TLK2: variants seen among roughly 807,000 people sequenced by gnomAD.
TLK2 encodes the protein serine/threonine-protein kinase tousled-like 2.
Under a neutral mutation model 117.3 loss-of-function variants are expected in TLK2, and 6 were observed. The observed-to-expected ratio is 0.05, with a 90% CI of 0.03 to 0.10. The LOEUF (loss-of-function observed/expected upper bound fraction) is 0.10. Among genes scored for constraint, TLK2 ranks in the 10% least tolerant of loss-of-function variants. The pLI is 1.00. For missense variants in TLK2, 299 were observed against 901.2 expected (o/e 0.33, Z 8.56); for synonymous variants, 257 against 316.7 (o/e 0.81, Z 2.00).
intron 7 of TLK2, among the ~76,000 whole-genome samples, chr17:62,536,870 C>T (rs892775936): frequency 1.3e-5 from 2 of 152,176 alleles, no homozygotes; most frequent in Non-Finnish European, 2.9e-5. Flanking sequence ...GCTACCTGTT[C>T]GCTCCTTTCA....
At chr17:62,487,389 C>A (rs1337821181) in intron 2 of TLK2, among the ~76,000 whole-genome samples, 1 of 150,588 alleles carries the variant, frequency 6.6e-6, no homozygotes, top group Non-Finnish European at 1.5e-5. Flanking sequence ...TAAGTCAGCA[C>A]GCGCCTGTAG....
intron 2 of TLK2, among the ~76,000 whole-genome samples, chr17:62,490,181 T>C (rs577655031): frequency 5.3e-5 from 8 of 152,364 alleles, no homozygotes; most frequent in East Asian, 1.9e-4. Flanking sequence ...TTCTGTCTTA[T>C]TCTGTCTTCT....
At chr17:62,536,361 T>G in intron 7 of TLK2, 24 bp downstream of exon 7, 1 of 1,595,180 alleles carries the variant, frequency 6.3e-7, no homozygotes. Flanking sequence ...CTAAGTTAAT[T>G]CATATCCTTT....
intron 17 of TLK2, among the ~76,000 whole-genome samples, chr17:62,600,009 A>G (rs1359300428): frequency 6.6e-6 from 1 of 152,254 alleles, no homozygotes; most frequent in Non-Finnish European, 1.5e-5. Context: ...AACCATAGAT[A>G]CTATACTTTA....
chr17:62,574,169 T>C (rs969673306), intron 12 of TLK2, among the ~76,000 whole-genome samples: 1 of 152,230 alleles, frequency 6.6e-6, no homozygotes, highest in Non-Finnish European at 1.5e-5. Context: ...GGTATAATAA[T>C]ACTTGTATTA....
chr17:62,527,007 C>T (rs1272965758), intron 6 of TLK2, among the ~76,000 whole-genome samples: 1 of 152,198 alleles, frequency 6.6e-6, no homozygotes, highest in Non-Finnish European at 1.5e-5. Context: ...CATCGTCCAC[C>T]TGATTCTGAC....
At chr17:62,605,925 C>T (rs1309941427) in intron 19 of TLK2, among the ~76,000 whole-genome samples, 2 of 147,426 alleles carry the variant, frequency 1.4e-5, no homozygotes, top group African/African-American at 2.6e-5. Flanking sequence ...GGAAACCACC[C>T]GAGCTCGGGA....
intron 15 of TLK2, chr17:62,585,817 G>C: frequency 5.0e-6 from 1 of 198,940 alleles, no homozygotes; most frequent in African/African-American, 2.3e-5. Context: ...ACCTAAGGCA[G>C]ACGGGTCCCA....
chr17:62,578,596 T>G (rs746865935), intron 14 of TLK2, 22 bp downstream of exon 14: 2 of 1,575,208 alleles, frequency 1.3e-6, no homozygotes, highest in Admixed American at 3.3e-5. Flanking sequence ...CAGGGCATAT[T>G]GGGTTGGAGA....
rs1182489150 is a variant in TLK2, at chr17:62,614,628, G to A, written c.*2063G>A. ...GGAGAGAAGTTCATGGGTAGGTATC[G>A]TCCTGTGGAATTCTGAATGCAAGGA... On this transcript the variant is annotated 3_prime_UTR_variant, in exon 22 of 22. Transcript: ENST00000346027. The A allele has an allele frequency of 2.0e-5, 3 of 152,162 alleles. No individual in the cohort carries two copies. The highest frequency in any genetic ancestry group is 2.9e-5 in the Non-Finnish European group (2 of 68,030). 9.4% of individuals were successfully genotyped at this position (152,162 alleles called of 1,614,324 possible). A position where few individuals can be genotyped will look rare whatever the true frequency, so the allele number is the denominator to read the frequency against.
In TLK2 at chr17:62,551,573, C is replaced by T. The variant is rs140354923; in HGVS notation, c.532-729C>T. 813 of 152,372 alleles carry T rather than the reference C, an allele frequency of 5.3e-3. 56 individuals carry two copies. In the East Asian group the frequency reaches 0.14, roughly 26 times the overall value. 9.4% of individuals were successfully genotyped at this position (152,372 alleles called of 1,614,324 possible). On this transcript the variant is annotated intron_variant, in intron 7 of 21. Coordinates refer to ENST00000346027, the MANE Select transcript of TLK2 (RefSeq NM_006852.6). ...ACAAAAAATTAGCCAGGCATGGTGG[C>T]GGGTGCCTGTAGTCCCAGCTACTCG...
At chr17:62,511,912 C>T (rs771924780) in intron 2 of TLK2, among the ~76,000 whole-genome samples, 23 of 152,104 alleles carry the variant, frequency 1.5e-4, no homozygotes, top group Non-Finnish European at 2.9e-4. Flanking sequence ...GTTTTTCTTT[C>T]TCTGGAATAA....
At chr17:62,471,886 G>GTTTTTT (rs1179717599) in intron 1 of TLK2, among the ~76,000 whole-genome samples, 2 of 38,996 alleles carry the variant, frequency 5.1e-5, no homozygotes, top group African/African-American at 7.5e-5. Flanking sequence ...AGGTAGTATA[G>GTTTTTT]TCTTTTTTTT....
chr17:62,528,208 A>G (rs2076507716), intron 6 of TLK2, among the ~76,000 whole-genome samples: 1 of 152,162 alleles, frequency 6.6e-6, no homozygotes, highest in African/African-American at 2.4e-5. Context: ...TTGGGACACA[A>G]TAGGTGTTCA....
At chr17:62,485,830 T>C (rs2072286701) in intron 2 of TLK2, among the ~76,000 whole-genome samples, 2 of 148,832 alleles carry the variant, frequency 1.3e-5, no homozygotes, top group Admixed American at 1.3e-4. Flanking sequence ...TTTTTTTTTT[T>C]TTTTTTTTGA....
chr17:62,603,905 G>T (rs974331134), intron 19 of TLK2, among the ~76,000 whole-genome samples: 1 of 151,904 alleles, frequency 6.6e-6, no homozygotes, highest in Non-Finnish European at 1.5e-5. Flanking sequence ...ATCCTGAAGG[G>T]TATAACAAAT....
intron 10 of TLK2, among the ~76,000 whole-genome samples, chr17:62,561,929 A>G (rs1434549797): frequency 6.6e-6 from 1 of 152,234 alleles, no homozygotes; most frequent in African/African-American, 2.4e-5. Context: ...CAGGAAAACA[A>G]CTTTCTCTTT....
chr17:62,516,747 GTTC>G (rs2075628319), intron 2 of TLK2: 4 of 1,578,574 alleles, frequency 2.5e-6, no homozygotes, highest in Admixed American at 1.7e-5. Flanking sequence ...TGGCAATCCA[GTTC>G]TTCTTAGGCA....
chr17:62,537,688 A>G (rs2077207958), intron 7 of TLK2, among the ~76,000 whole-genome samples: 1 of 152,120 alleles, frequency 6.6e-6, no homozygotes, highest in African/African-American at 2.4e-5. Flanking sequence ...AAACAGATAA[A>G]TCATTATCTT....
Sources: allele counts gnomAD v4.1 joint callset (sites outside exome capture counted in the v4.1 genomes callset), GRCh38; gene constraint gnomAD v4.1.1; transcripts MANE v1.5; gene names NCBI Gene and HGNC (gene_info 2026-07-23, HGNC 2026-07-21).